Variants in NSMCE2 observed in about 807,000 individuals in gnomAD.
NSMCE2 encodes the protein E3 SUMO-protein ligase NSE2.
In NSMCE2, 24 loss-of-function variants were observed where a neutral mutation model predicts 23.8. The observed-to-expected ratio is 1.01, with a 90% CI of 0.73 to 1.42. The LOEUF (loss-of-function observed/expected upper bound fraction) is 1.42. Among genes scored for constraint, NSMCE2 ranks in the 40% most tolerant of loss-of-function variants. The pLI, the probability that NSMCE2 is intolerant of heterozygous loss-of-function variation, is 0.00. For synonymous variants in NSMCE2, 92 were observed against 94.1 expected, an observed-to-expected ratio of 0.98 and a Z score of 0.13; for missense variants, 284 against 296.5, an observed-to-expected ratio of 0.96 and a Z score of 0.31.
intron 3 of NSMCE2, among the ~76,000 whole-genome samples, chr8:125,115,476 C>G (rs986136892): frequency 1.3e-5 from 2 of 152,216 alleles, no homozygotes; most frequent in Admixed American, 6.5e-5. Flanking sequence ...TCAGGCCGGG[C>G]TCAGTGGCTC....
chr8:125,215,203 C>A (rs1163611120), intron 5 of NSMCE2, among the ~76,000 whole-genome samples: 8 of 145,348 alleles, frequency 5.5e-5, no homozygotes, highest in Non-Finnish European at 1.0e-4. Flanking sequence ...CCCCCTACCC[C>A]ACAACAGTCC....
rs1449279452 is a variant in NSMCE2, at chr8:125,283,929, A to G, written c.419-73290A>G. Reference sequence around the variant, plus strand: ...AGCATTTTGGGAGGCCAAGGTGGGCAGATCACAAGGTCAGGAGATGGAGAC... The same window carrying G: ...AGCATTTTGGGAGGCCAAGGTGGGCGGATCACAAGGTCAGGAGATGGAGAC... On this transcript the variant is annotated intron_variant, in intron 5 of 7. Coordinates refer to ENST00000287437, the MANE Select transcript of NSMCE2 (RefSeq NM_173685.4). 4.6e-5 allele frequency among the ~76,000 whole-genome samples: 7 copies of G among 152,290 alleles called. 1 individual carries two copies. The South Asian group carries it at 8.3e-4, about 18-fold the overall frequency.
At position 125,128,612 on chromosome 8, in the gene NSMCE2, C is replaced by G. The variant is rs145226386; in HGVS notation, c.158-22559C>G. On this transcript the variant is annotated intron_variant, in intron 3 of 7. Transcript: ENST00000287437. ...CACAAATCTCAAGCCTGAAGTGAAT[C>G]TTAACTGGGCTAAAAGCAAAGTGTG... Among the ~76,000 whole-genome samples, 1,177 of 152,272 alleles carry G rather than the reference C, an allele frequency of 7.7e-3. 19 individuals are homozygous for G. The highest frequency in any genetic ancestry group is 0.027 in the African/African-American group (1,117 of 41,548).
At chr8:125,125,676 GC>G (rs1008646865) in intron 3 of NSMCE2, among the ~76,000 whole-genome samples, 2 of 152,204 alleles carry the variant, frequency 1.3e-5, no homozygotes, top group African/African-American at 4.8e-5. Context: ...GATGAGAAGA[GC>G]TGTGAGCAGC....
chr8:125,222,082 C>G (rs1367282127), intron 5 of NSMCE2, among the ~76,000 whole-genome samples: 1 of 151,964 alleles, frequency 6.6e-6, no homozygotes, highest in African/African-American at 2.4e-5. Flanking sequence ...ATGCCAGAAA[C>G]TATAGGATAT....
At chr8:125,130,931 C>T (rs866697825) in intron 3 of NSMCE2, among the ~76,000 whole-genome samples, 1 of 152,166 alleles carries the variant, frequency 6.6e-6, no homozygotes, top group African/African-American at 2.4e-5. Context: ...GAATTATTAG[C>T]CTGTGCTTCT....
chr8:125,126,916 T>TTTA (rs530528805), intron 3 of NSMCE2: 8 of 152,220 alleles, frequency 5.3e-5, no homozygotes, highest in Admixed American at 1.3e-4. Context: ...CGTTCTTATT[T>TTTA]TATCTGTCAG....
intron 5 of NSMCE2, among the ~76,000 whole-genome samples, chr8:125,195,021 C>T (rs923132354): frequency 6.6e-6 from 1 of 152,148 alleles, no homozygotes; most frequent in African/African-American, 2.4e-5. Flanking sequence ...GCATGAGCAT[C>T]ACCTAGAAAC....
chr8:125,187,998 G>A (rs1017074365), intron 5 of NSMCE2, among the ~76,000 whole-genome samples: 2 of 152,132 alleles, frequency 1.3e-5, no homozygotes, highest in African/African-American at 4.8e-5. Flanking sequence ...TACAAGTGAA[G>A]GTTATAAATC....
chr8:125,283,764 A>T (rs1026408923), intron 5 of NSMCE2, among the ~76,000 whole-genome samples: 15 of 152,198 alleles, frequency 9.9e-5, no homozygotes, highest in Non-Finnish European at 1.8e-4. Flanking sequence ...CACAGTCAAC[A>T]TGTAGACCCT....
intron 5 of NSMCE2, among the ~76,000 whole-genome samples, chr8:125,337,820 G>A (rs1433365068): frequency 6.6e-6 from 1 of 150,878 alleles, no homozygotes; most frequent in East Asian, 2.0e-4. Flanking sequence ...GCTTGAACCT[G>A]GGAGGTGGAG....
intron 5 of NSMCE2, among the ~76,000 whole-genome samples, chr8:125,312,190 T>C (rs17403327): frequency 0.15 from 22,151 of 152,114 alleles, 2,075 homozygotes; most frequent in Non-Finnish European, 0.21. Context: ...AACTTTGATG[T>C]CTCTGTTCTA....
At chr8:125,189,032 G>T (rs1823231789) in intron 5 of NSMCE2, among the ~76,000 whole-genome samples, 1 of 152,152 alleles carries the variant, frequency 6.6e-6, no homozygotes, top group Admixed American at 6.5e-5. Context: ...ATTTAAACTG[G>T]GCAAAGTATG....
chr8:125,129,353 AAC>A (rs33934962), intron 3 of NSMCE2, among the ~76,000 whole-genome samples: 11,498 of 152,192 alleles, frequency 0.076, 532 homozygotes, highest in Middle Eastern at 0.27. Flanking sequence ...AGGATACTTA[AAC>A]ATCTTTTTAA....
chr8:125,290,307 C>CA (rs1007892052), intron 5 of NSMCE2, among the ~76,000 whole-genome samples: 62 of 149,012 alleles, frequency 4.2e-4, no homozygotes, highest in Admixed American at 2.6e-3. Context: ...GTAGCGGTAG[C>CA]AAAAAAAAAT....
At chr8:125,328,868 T>C (rs1289097192) in intron 5 of NSMCE2, among the ~76,000 whole-genome samples, 1 of 152,032 alleles carries the variant, frequency 6.6e-6, no homozygotes, top group African/African-American at 2.4e-5. Context: ...CCCAACCCTC[T>C]CAGAGATGAG....
intron 5 of NSMCE2, among the ~76,000 whole-genome samples, chr8:125,235,834 A>T (rs2130961011): frequency 6.6e-6 from 1 of 152,250 alleles, no homozygotes; most frequent in African/African-American, 2.4e-5. Context: ...TGGTGCATTT[A>T]TTGCATATTT....
chr8:125,321,097 C>T (rs1318430954), intron 5 of NSMCE2, among the ~76,000 whole-genome samples: 2 of 152,056 alleles, frequency 1.3e-5, no homozygotes, highest in African/African-American at 2.4e-5. Flanking sequence ...CCAGTCACCT[C>T]CCACCAGGCC....
chr8:125,273,651 A>C (rs922453661), intron 5 of NSMCE2, among the ~76,000 whole-genome samples: 1 of 152,170 alleles, frequency 6.6e-6, no homozygotes, highest in Non-Finnish European at 1.5e-5. Context: ...TTAATTCTTT[A>C]TTTATACTAC....
Sources: allele counts gnomAD v4.1 joint callset (sites outside exome capture counted in the v4.1 genomes callset), GRCh38; gene constraint gnomAD v4.1.1; transcripts MANE v1.5; gene names NCBI Gene and HGNC (gene_info 2026-07-23, HGNC 2026-07-21).